The following PPP4R1 variants were observed in gnomAD, a reference collection of about 807,000 sequenced individuals.
PPP4R1 encodes the protein protein phosphatase 4 regulatory subunit 1.
PPP4R1 carries 42 observed loss-of-function variants against 111.2 expected under a neutral mutation model. The ratio of observed to expected loss-of-function variants is 0.38; its 90% CI spans 0.29 to 0.49. The LOEUF (loss-of-function observed/expected upper bound fraction) is 0.49, where lower values mean the gene tolerates loss of function less well. Among genes scored for constraint, PPP4R1 ranks in the 20% least tolerant of loss-of-function variants. The probability of loss-of-function intolerance (pLI) is 0.97; values close to 1 mark genes in which losing one functional copy is unlikely to be tolerated. For missense variants in PPP4R1, 1,012 were observed against 1,161.6 expected (o/e 0.87, Z 1.87); for synonymous variants, 409 against 405.5 (o/e 1.01, Z -0.10).
At chr18:9,584,410 C>A in intron 8 of PPP4R1, 105 bp downstream of exon 8, 1 of 942,818 alleles carries the variant, frequency 1.1e-6, no homozygotes, top group Admixed American at 3.1e-5. Flanking sequence ...GGTTTATATT[C>A]ATGGAATTGT....
chr18:9,566,865 A>G (rs1156357373), intron 11 of PPP4R1, among the ~76,000 whole-genome samples: 1 of 152,276 alleles, frequency 6.6e-6, no homozygotes, highest in Non-Finnish European at 1.5e-5. Context: ...GGCTTAGAAA[A>G]ATATTCCTTT....
rs2066459072 is a variant in PPP4R1, at chr18:9,549,770, G to A, written c.2547+282C>T. The A allele has an allele frequency of 5.5e-6, 3 of 547,656 alleles. No individual in the cohort carries two copies. The South Asian group carries it at 6.5e-5, about 12-fold the overall frequency. 33.9% of individuals were successfully genotyped at this position (547,656 alleles called of 1,614,324 possible). On this transcript the variant is annotated intron_variant, in intron 18 of 19. Transcript: ENST00000400556. ...ATACACACGTCTGAATGTGTGCAGA[G>A]CAGAACACGCACATACCAGGCATGT...
chr18:9,600,473 T>G (rs1309950705), intron 2 of PPP4R1, among the ~76,000 whole-genome samples: 2 of 152,100 alleles, frequency 1.3e-5, no homozygotes, highest in African/African-American at 4.8e-5. Context: ...ATTATCAGAC[T>G]ATCAGAAATA....
chr18:9,557,190 G>C, intron 15 of PPP4R1, 31 bp downstream of exon 15: 1 of 1,532,716 alleles, frequency 6.5e-7, no homozygotes, highest in South Asian at 1.3e-5. Flanking sequence ...GAATTTTGTT[G>C]TGTTTTTATG....
intron 16 of PPP4R1, among the ~76,000 whole-genome samples, chr18:9,552,320 G>A (rs563716743): frequency 1.6e-3 from 239 of 152,276 alleles, no homozygotes; most frequent in Non-Finnish European, 2.4e-3. Context: ...AGTCATTAGG[G>A]AAATGCAAAT....
chr18:9,614,573 A>C (rs2067657615), upstream of PPP4R1: 2 of 899,242 alleles, frequency 2.2e-6, no homozygotes, highest in Non-Finnish European at 2.7e-6. The surrounding 1 kb of genome is among the most constrained non-coding windows in gnomAD (Gnocchi z 4.1). Flanking sequence ...CGCGCGCGGG[A>C]GGGGCGGCGG....
At position 9,547,675 on chromosome 18, in the gene PPP4R1, G is replaced by A. The variant is rs564697580; in HGVS notation, c.*114C>T. ...GCAACTTGCACCTGCAATGAAGTCC[G>A]CAGGAGAGGAAGGTCTCTCCTCCCC... On this transcript the variant is annotated 3_prime_UTR_variant, in exon 20 of 20. Coordinates refer to ENST00000400556, the MANE Select transcript of PPP4R1 (RefSeq NM_001042388.3). 4.5e-6 allele frequency: 6 copies of A among 1,322,976 alleles called. No individual in the cohort carries two copies. Among genetic ancestry groups the A allele is most frequent in the African/African-American group, 2.9e-5 (2 of 68,530 alleles). 82.0% of individuals were successfully genotyped at this position (1,322,976 alleles called of 1,614,324 possible). A position where few individuals can be genotyped will look rare whatever the true frequency, so the allele number is the denominator to read the frequency against.
rs147701660 is a variant in PPP4R1 at position 9,584,699 on chromosome 18, A to G, written c.693+22T>C. ...CTAGAACTATGTTCTTAAACAGCAG[A>G]AAAAAAACGACAAAAAAATACCTTT... On this transcript the variant is annotated intron_variant, in intron 7 of 19. Transcript: ENST00000400556. 2,402 of 1,609,882 alleles carry G rather than the reference A, an allele frequency of 1.5e-3. 5 individuals are homozygous for G. Among genetic ancestry groups the G allele is most frequent in the Non-Finnish European group, 1.8e-3 (2,082 of 1,177,102 alleles).
chr18:9,574,395 A>G (rs1303537327), intron 10 of PPP4R1, among the ~76,000 whole-genome samples: 1 of 152,236 alleles, frequency 6.6e-6, no homozygotes, highest in Non-Finnish European at 1.5e-5. Context: ...CTGAGATAAA[A>G]GCAAACACGC....
chr18:9,614,458 G>A lies in PPP4R1; in HGVS notation c.7+20C>T. On this transcript the variant is annotated intron_variant, in intron 1 of 19. Coordinates refer to ENST00000400556, the MANE Select transcript of PPP4R1 (RefSeq NM_001042388.3). The surrounding 1 kb of genome is among the most constrained non-coding windows in gnomAD (Gnocchi z 4.1). ...GGGCTCGAGGAGCCGCCGCCGCCCG[G>A]AGAACAGGGGGCCACGTACCCGCCA... 1.9e-6 allele frequency: 2 copies of A among 1,030,556 alleles called. No homozygotes were observed. Among genetic ancestry groups the A allele is most frequent in the East Asian group, 7.6e-5 (1 of 13,084 alleles). The allele number at this position is 1,030,556 out of a possible 1,614,324, so 63.8% of individuals were successfully genotyped here. A position where few individuals can be genotyped will look rare whatever the true frequency, so the allele number is the denominator to read the frequency against.
chr18:9,593,615 T>G (rs1174673030), intron 4 of PPP4R1, among the ~76,000 whole-genome samples, 153 bp downstream of exon 4: 1 of 152,244 alleles, frequency 6.6e-6, no homozygotes, highest in Non-Finnish European at 1.5e-5. Context: ...TAACAAATTT[T>G]ACTTTTGTTG....
At position 9,614,213 on chromosome 18, in the gene PPP4R1, C is replaced by A; in HGVS notation, c.52+13G>T. 7.3e-7 allele frequency: 1 copy of A among 1,362,058 alleles called. No homozygotes were observed. The highest frequency in any genetic ancestry group is 9.6e-7 in the Non-Finnish European group (1 of 1,044,380). The allele number at this position is 1,362,058 out of a possible 1,614,324, so 84.4% of individuals were successfully genotyped here. A position where few individuals can be genotyped will look rare whatever the true frequency, so the allele number is the denominator to read the frequency against. ...CGCGGACTGCCAGGCCACCGCGAGGCCGGGCCACTCACATCCGTCTGCGTC... is the reference window on the plus strand; with the variant it reads ...CGCGGACTGCCAGGCCACCGCGAGGACGGGCCACTCACATCCGTCTGCGTC... On this transcript the variant is annotated intron_variant, in intron 2 of 19. Coordinates refer to ENST00000400556, the MANE Select transcript of PPP4R1 (RefSeq NM_001042388.3). This position sits in a 1 kb window ranked among gnomAD's most constrained non-coding sequence, Gnocchi z 4.1.
At chr18:9,607,783 C>CTTTTTTT (rs59033925) in intron 2 of PPP4R1, among the ~76,000 whole-genome samples, 1 of 125,376 alleles carries the variant, frequency 8.0e-6, no homozygotes. Context: ...TTCTTTCTTT[C>CTTTTTTT]TTTTTTTTTT....
Position 9,550,169 on chromosome 18 carries a change from C to A in PPP4R1, c.2430G>T (p.Lys810Asn), listed in dbSNP as rs2066466546. Residue 810 changes from lysine to asparagine, a missense_variant, in exon 18 of 20, where the codon AAG (lysine) becomes AAT (asparagine). Coordinates refer to ENST00000400556, the MANE Select transcript of PPP4R1 (RefSeq NM_001042388.3). ...ISYKLVSEMV[K>N]KLHAATPPTF... is the part of the protein sequence containing the mutation. ...TTGGTGGTGTTGCCGCGTGCAGCTT[C>A]TTCACCATCTCGCTGACCTGGGAGG... 2 of 1,614,082 alleles carry A rather than the reference C, an allele frequency of 1.2e-6. No individual in the cohort carries two copies. The highest frequency in any genetic ancestry group is 1.7e-6 in the Non-Finnish European group (2 of 1,180,050).
intron 2 of PPP4R1, among the ~76,000 whole-genome samples, chr18:9,596,017 A>G (rs2067284666): frequency 6.6e-6 from 1 of 152,236 alleles, no homozygotes; most frequent in African/African-American, 2.4e-5. Flanking sequence ...CTGAAGAGGT[A>G]AAGGAAAATA....
In PPP4R1 at chr18:9,614,287, G is replaced by C. The variant is rs1442363666; in HGVS notation, c.8-17C>G. The C allele has an allele frequency of 3.9e-6, 5 of 1,288,116 alleles. No homozygotes were observed. The Admixed American group carries it at 1.4e-4, about 35-fold the overall frequency. The allele number at this position is 1,288,116 out of a possible 1,614,324, so 79.8% of individuals were successfully genotyped here. A position where few individuals can be genotyped will look rare whatever the true frequency, so the allele number is the denominator to read the frequency against. ...GCGAGAGGTCTGCGCCGAGGGGAGA[G>C]AAGAAAGGCCCGGTCAGCGCCCCGG... On this transcript the variant is annotated splice_polypyrimidine_tract_variant and intron_variant, in intron 1 of 19. Transcript: ENST00000400556. This position sits in a 1 kb window ranked among gnomAD's most constrained non-coding sequence, Gnocchi z 4.1.
At chr18:9,594,827 G>T in intron 3 of PPP4R1, 191 bp downstream of exon 3, 1 of 541,010 alleles carries the variant, frequency 1.8e-6, no homozygotes, top group Non-Finnish European at 3.0e-6. Context: ...AAGAAAGCAT[G>T]TTGTATGCTT....
intron 11 of PPP4R1, among the ~76,000 whole-genome samples, chr18:9,564,721 TGTGTGTGTGTGTGTGTGG>T (rs1241247359): frequency 3.7e-5 from 3 of 81,364 alleles, no homozygotes; most frequent in African/African-American, 5.7e-5. Flanking sequence ...TGTGTGTGTG[TGTGTGTGTGTGTGTGTGG>T]GGGTATCATC....
chr18:9,614,181 CG>C lies in PPP4R1; in HGVS notation c.52+44del. On this transcript the variant is annotated intron_variant, in intron 2 of 19. Transcript: ENST00000400556. This position sits in a 1 kb window ranked among gnomAD's most constrained non-coding sequence, Gnocchi z 4.1. ...CTCGCCGCCGCCCGCCCTCCCCGGC[CG>C]CTCCCCGCGGACTGCCAGGCCACCG... 1 of 1,317,614 alleles carries C rather than the reference CG, an allele frequency of 7.6e-7. No individual in the cohort carries two copies. The highest frequency in any genetic ancestry group is 9.8e-7 in the Non-Finnish European group (1 of 1,020,524). The allele number at this position is 1,317,614 out of a possible 1,614,324, so 81.6% of individuals were successfully genotyped here.
Sources: gnomAD v4.1 joint callset for allele counts (sites outside exome capture counted in the v4.1 genomes callset) on GRCh38, gnomAD v4.1.1 for gene constraint, Gnocchi (gnomAD v3.1) non-coding constraint, MANE v1.5 for transcripts, NCBI Gene and HGNC (gene_info 2026-07-23, HGNC 2026-07-21) for gene names.